ARIH1: variants seen among roughly 807,000 people sequenced by gnomAD.
The protein encoded by ARIH1 is ariadne RBR E3 ubiquitin protein ligase 1, also known as E3 ubiquitin-protein ligase ARIH1.
ARIH1 carries 8 observed loss-of-function variants against 85.0 expected under a neutral mutation model. The ratio of observed to expected loss-of-function variants is 0.09; its 90% CI spans 0.06 to 0.17. The LOEUF (loss-of-function observed/expected upper bound fraction) is 0.17. Ranked by LOEUF, ARIH1 falls within the 10% of genes least tolerant of loss-of-function variation. ARIH1 has a pLI of 1.00. For missense variants in ARIH1, 311 were observed against 718.1 expected, an observed-to-expected ratio of 0.43 and a Z score of 6.48; for synonymous variants, 238 against 253.6, an observed-to-expected ratio of 0.94 and a Z score of 0.59.
Position 72,588,362 on chromosome 15 carries a change from C to G in ARIH1, c.*5070C>G, listed in dbSNP as rs764615197. ...GACCAGTGATACTTAAACTTGACTG[C>G]GAATTGGAATCACTGAGAAGCTTTA... On this transcript the variant is annotated 3_prime_UTR_variant, in exon 14 of 14. Coordinates refer to ENST00000379887, the MANE Select transcript of ARIH1 (RefSeq NM_005744.5). 1 of 152,102 alleles carries G rather than the reference C, an allele frequency of 6.6e-6. No homozygotes were observed. The highest frequency in any genetic ancestry group is 1.5e-5 in the Non-Finnish European group (1 of 68,022). The allele number at this position is 152,102 out of a possible 1,614,324, so 9.4% of individuals were successfully genotyped here. A position where few individuals can be genotyped will look rare whatever the true frequency, so the allele number is the denominator to read the frequency against.
intron 11 of ARIH1, among the ~76,000 whole-genome samples, chr15:72,577,139 T>C (rs575624121): frequency 1.3e-5 from 2 of 151,728 alleles, no homozygotes; most frequent in African/African-American, 4.8e-5. Flanking sequence ...TGCGCCACCA[T>C]GCCTGGCTAA....
At chr15:72,559,307 C>T (rs1166529821) in intron 5 of ARIH1, among the ~76,000 whole-genome samples, 1 of 152,048 alleles carries the variant, frequency 6.6e-6, no homozygotes, top group East Asian at 1.9e-4. Flanking sequence ...CTCTCTGTTG[C>T]CCAGAGTGGA....
At position 72,578,816 on chromosome 15, in the gene ARIH1, G is replaced by GTTT. The variant is rs11385438; in HGVS notation, c.1216-1913_1216-1911dup. 2.2e-3 allele frequency among the ~76,000 whole-genome samples: 314 copies of GTTT among 140,922 alleles called. 11 individuals are homozygous for GTTT. The highest frequency in any genetic ancestry group is 6.4e-3 in the African/African-American group (247 of 38,728). 92.5% of individuals were successfully genotyped at this position (140,922 alleles called of 152,430 possible). On this transcript the variant is annotated intron_variant, in intron 11 of 13. Transcript: ENST00000379887. The stretch of plus-strand genomic sequence containing the variant: ...ATTTTGCTTTTTTTTGTTTTTTGGT[G>GTTT]TTTTGTTTTTTTTTTTCAGAGGTAG...
intron 1 of ARIH1, among the ~76,000 whole-genome samples, chr15:72,490,606 A>G (rs1228308990): frequency 1.3e-5 from 2 of 152,084 alleles, no homozygotes; most frequent in Admixed American, 6.6e-5. Context: ...CCTAGTGCCA[A>G]AAAGTTGGGG....
At chr15:72,532,977 G>T (rs1258289514) in intron 2 of ARIH1, among the ~76,000 whole-genome samples, 2 of 152,166 alleles carry the variant, frequency 1.3e-5, no homozygotes, top group Non-Finnish European at 2.9e-5. Flanking sequence ...CCACTGAAAT[G>T]TTAAAAAAGA....
At chr15:72,490,966 A>G (rs2063856785) in intron 1 of ARIH1, among the ~76,000 whole-genome samples, 1 of 152,008 alleles carries the variant, frequency 6.6e-6, no homozygotes, top group Non-Finnish European at 1.5e-5. Flanking sequence ...AAATATAAAA[A>G]TTAGCCCGGT....
intron 2 of ARIH1, among the ~76,000 whole-genome samples, chr15:72,532,231 A>G (rs1301705691): frequency 5.9e-5 from 9 of 151,978 alleles, no homozygotes; most frequent in Non-Finnish European, 1.3e-4. Context: ...GAGAGATCCT[A>G]AATAACCAGT....
intron 11 of ARIH1, among the ~76,000 whole-genome samples, chr15:72,574,042 T>G (rs989826937): frequency 6.6e-6 from 1 of 152,212 alleles, no homozygotes; most frequent in Non-Finnish European, 1.5e-5. Context: ...CACCTTTTTT[T>G]CTCCATTAAC....
Position 72,590,255 on chromosome 15 carries a change from A to T in ARIH1, c.*6963A>T, listed in dbSNP as rs1242104972. The T allele has an allele frequency of 6.6e-6, 1 of 152,162 alleles. No individual in the cohort carries two copies. The allele number at this position is 152,162 out of a possible 1,614,324, so 9.4% of individuals were successfully genotyped here. On this transcript the variant is annotated 3_prime_UTR_variant, in exon 14 of 14. Coordinates refer to ENST00000379887, the MANE Select transcript of ARIH1 (RefSeq NM_005744.5). ...GAGCCAGCTCTGCTGTTTGACCAGT[A>T]TATTATTTTCACCATGCTGTATCTG...
In ARIH1 at chr15:72,586,389, A is replaced by G. The variant is rs1013639289; in HGVS notation, c.*3097A>G. ...TGGGATGGGGTGGGTTGGTGAGACA[A>G]TCAGAATGGTAAATTGATTAAATGC... is the stretch of plus-strand genomic sequence containing the variant. On this transcript the variant is annotated 3_prime_UTR_variant, in exon 14 of 14. Transcript: ENST00000379887. The G allele has an allele frequency of 2.6e-5, 4 of 152,196 alleles. No individual in the cohort carries two copies. Among genetic ancestry groups the G allele is most frequent in the Admixed American group, 2.0e-4 (3 of 15,274 alleles). 9.4% of individuals were successfully genotyped at this position (152,196 alleles called of 1,614,324 possible).
chr15:72,510,137 A>G (rs990830505), intron 1 of ARIH1, among the ~76,000 whole-genome samples: 4 of 152,128 alleles, frequency 2.6e-5, no homozygotes, highest in Non-Finnish European at 4.4e-5. Context: ...TTGTAAATCA[A>G]TTTTTAAAAT....
At chr15:72,555,941 T>G in intron 5 of ARIH1, 34 bp downstream of exon 5, 1 of 1,562,734 alleles carries the variant, frequency 6.4e-7, no homozygotes, top group Non-Finnish European at 8.8e-7. Context: ...CATGTGAATA[T>G]TGGTTAGTTG....
At chr15:72,541,288 G>A (rs936824300) in intron 2 of ARIH1, among the ~76,000 whole-genome samples, 9 of 152,254 alleles carry the variant, frequency 5.9e-5, no homozygotes, top group African/African-American at 1.9e-4. Context: ...CTTCTCTCCC[G>A]ACACTCAGCT....
At chr15:72,485,339 TG>T (rs1348239655) in intron 1 of ARIH1, among the ~76,000 whole-genome samples, 7 of 152,280 alleles carry the variant, frequency 4.6e-5, no homozygotes, top group African/African-American at 4.8e-5. Flanking sequence ...AGTGGGTCTC[TG>T]GGGGGTTTGG....
intron 3 of ARIH1, among the ~76,000 whole-genome samples, chr15:72,545,483 AC>A (rs2064125045): frequency 6.6e-6 from 1 of 152,178 alleles, no homozygotes; most frequent in East Asian, 1.9e-4. Flanking sequence ...TAGCAAGAGA[AC>A]CAAAGAACTG....
chr15:72,581,956 A>G, intron 12 of ARIH1, 119 bp from the exon 13 acceptor site: 1 of 627,276 alleles, frequency 1.6e-6, no homozygotes. Flanking sequence ...GTGCAGTTAA[A>G]CCACCTATGA....
chr15:72,539,396 G>A (rs1286689700), intron 2 of ARIH1, among the ~76,000 whole-genome samples: 2 of 151,990 alleles, frequency 1.3e-5, no homozygotes. Context: ...CTTGAGATGA[G>A]GGATCAGAGG....
intron 11 of ARIH1, among the ~76,000 whole-genome samples, chr15:72,580,317 C>T: frequency 6.6e-6 from 1 of 152,154 alleles, no homozygotes; most frequent in East Asian, 1.9e-4. Context: ...CGTTTTCTTT[C>T]TGTGTTCATC....
chr15:72,500,724 A>G (rs1050416207), intron 1 of ARIH1, among the ~76,000 whole-genome samples: 2 of 152,226 alleles, frequency 1.3e-5, no homozygotes, highest in Admixed American at 6.5e-5. Context: ...AAAATAGAAA[A>G]ATAATAACTC....
Sources: allele counts gnomAD v4.1 joint callset (sites outside exome capture counted in the v4.1 genomes callset), GRCh38; gene constraint gnomAD v4.1.1; transcripts MANE v1.5; gene names NCBI Gene and HGNC (gene_info 2026-07-23, HGNC 2026-07-21).